Variants in SLC23A2 observed in about 807,000 individuals in gnomAD.
The protein encoded by SLC23A2 is Na(+)/L-ascorbic acid transporter 2.
In SLC23A2, 36 loss-of-function variants were observed where a neutral mutation model predicts 73.3. The ratio of observed to expected loss-of-function variants is 0.49; its 90% CI spans 0.38 to 0.65. The LOEUF (loss-of-function observed/expected upper bound fraction) is 0.65, where lower values mean the gene tolerates loss of function less well. Among genes scored for constraint, SLC23A2 ranks in the 30% least tolerant of loss-of-function variants. The probability of loss-of-function intolerance (pLI) is 0.00; values close to 1 mark genes in which losing one functional copy is unlikely to be tolerated. For missense variants in SLC23A2, 507 were observed against 841.6 expected (o/e 0.60, Z 4.92); for synonymous variants, 343 against 327.3 (o/e 1.05, Z -0.52).
rs1053995649 is a variant in SLC23A2, at chr20:4,863,781, C to T, written c.1357-874G>A. 6.6e-6 allele frequency among the ~76,000 whole-genome samples: 1 copy of T among 152,206 alleles called. No individual in the cohort carries two copies. ...GGACACCCTTCCCTGTGGTTCCCTC[C>T]TAGCCAGATCCTAGATGCATCCTTT... is the stretch of plus-strand genomic sequence containing the variant. On this transcript the variant is annotated intron_variant, in intron 13 of 16. Coordinates refer to ENST00000338244, the MANE Select transcript of SLC23A2 (RefSeq NM_005116.6). The surrounding 1 kb of genome is among the most constrained non-coding windows in gnomAD (Gnocchi z 4.8).
At chr20:4,886,031 T>G in intron 6 of SLC23A2, 122 bp from the exon 7 acceptor site, 1 of 613,830 alleles carries the variant, frequency 1.6e-6, no homozygotes, top group East Asian at 3.0e-5. Context: ...CAGGCACACC[T>G]AGAAGAAAAA....
At chr20:4,876,675 T>A (rs1242864643) in intron 9 of SLC23A2, among the ~76,000 whole-genome samples, 1 of 152,216 alleles carries the variant, frequency 6.6e-6, no homozygotes, top group Non-Finnish European at 1.5e-5. Context: ...AAGTAATACA[T>A]ACTAAATTGT....
Position 4,980,537 on chromosome 20 carries a change from C to CT in SLC23A2, c.-281-9619dup, listed in dbSNP as rs201662707. Among the ~76,000 whole-genome samples, 1,245 of 144,468 alleles carry CT rather than the reference C, an allele frequency of 8.6e-3. 17 individuals carry two copies. Among genetic ancestry groups the CT allele is most frequent in the African/African-American group, 0.026 (1,029 of 39,642 alleles). 94.8% of individuals were successfully genotyped at this position (144,468 alleles called of 152,430 possible). Reference sequence around the variant, plus strand: ...GCACATTTTACTTTCTTTTTCTTTTCTTTTTTTTTTTTGAGACGGGGTCTC... The same window carrying CT: ...GCACATTTTACTTTCTTTTTCTTTTCTTTTTTTTTTTTTGAGACGGGGTCTC... On this transcript the variant is annotated intron_variant, in intron 1 of 16. Coordinates refer to ENST00000338244, the MANE Select transcript of SLC23A2 (RefSeq NM_005116.6).
chr20:4,951,059 C>T (rs1037532770), intron 2 of SLC23A2, among the ~76,000 whole-genome samples: 1 of 152,122 alleles, frequency 6.6e-6, no homozygotes, highest in Non-Finnish European at 1.5e-5. Flanking sequence ...ACATCCAACC[C>T]ATCAGGTCAA....
chr20:4,861,904 G>A (rs1600074525), intron 15 of SLC23A2, 44 bp downstream of exon 15: 1 of 1,605,902 alleles, frequency 6.2e-7, no homozygotes, highest in Non-Finnish European at 8.5e-7. Flanking sequence ...ACTGGCGGCT[G>A]TGGTTCCAGC....
intron 6 of SLC23A2, among the ~76,000 whole-genome samples, chr20:4,886,925 C>T (rs971955315): frequency 6.6e-6 from 1 of 152,156 alleles, no homozygotes; most frequent in African/African-American, 2.4e-5. Flanking sequence ...CACAGTGAAA[C>T]AGGAACTGGA....
At chr20:4,879,894 G>T (rs1157654555) in intron 9 of SLC23A2, among the ~76,000 whole-genome samples, 1 of 152,180 alleles carries the variant, frequency 6.6e-6, no homozygotes, top group East Asian at 1.9e-4. Context: ...AACAAATTAA[G>T]GGTGGACAGG....
intron 2 of SLC23A2, among the ~76,000 whole-genome samples, chr20:4,953,019 A>G (rs2087226834): frequency 6.9e-6 from 1 of 145,054 alleles, no homozygotes; most frequent in Admixed American, 6.9e-5. Context: ...CGAGACTCAA[A>G]AAAAAAGGCC....
chr20:4,915,740 G>A (rs972010381), intron 3 of SLC23A2, among the ~76,000 whole-genome samples: 8 of 152,164 alleles, frequency 5.3e-5, no homozygotes, highest in African/African-American at 1.4e-4. Flanking sequence ...CCGAGATCAC[G>A]AGTTCGAGAC....
intron 6 of SLC23A2, among the ~76,000 whole-genome samples, chr20:4,896,199 C>T (rs1931514967): frequency 6.6e-6 from 1 of 152,186 alleles, no homozygotes; most frequent in Admixed American, 6.5e-5. Context: ...CCAGCGGCCT[C>T]TCTCGTTGCC....
chr20:4,907,587 G>A (rs1461768323), intron 4 of SLC23A2, among the ~76,000 whole-genome samples: 1 of 152,060 alleles, frequency 6.6e-6, no homozygotes, highest in East Asian at 1.9e-4. Context: ...AACAATAAAA[G>A]AGGTCTCAGA....
At chr20:4,954,698 C>CAAAAAAAAAAAA (rs200579910) in intron 2 of SLC23A2, among the ~76,000 whole-genome samples, 5 of 54,940 alleles carry the variant, frequency 9.1e-5, no homozygotes, top group Non-Finnish European at 2.2e-4. Context: ...GACTCCATCA[C>CAAAAAAAAAAAA]AAAAAAAAAA....
rs1930016179 is a variant in SLC23A2 at position 4,862,677 on chromosome 20, A to G, written c.1486+101T>C. 1.8e-6 allele frequency: 2 copies of G among 1,095,978 alleles called. No individual in the cohort carries two copies. Among genetic ancestry groups the G allele is most frequent in the Admixed American group, 2.3e-5 (1 of 43,480 alleles). The allele number at this position is 1,095,978 out of a possible 1,614,324, so 67.9% of individuals were successfully genotyped here. A position where few individuals can be genotyped will look rare whatever the true frequency, so the allele number is the denominator to read the frequency against. ...ATATCCTTTGTATTTTAAAATAGAA[A>G]TTTATCGTTACCTTCTTACTGAAGG... On this transcript the variant is annotated intron_variant, in intron 14 of 16. Coordinates refer to ENST00000338244, the MANE Select transcript of SLC23A2 (RefSeq NM_005116.6). The surrounding 1 kb of genome is among the most constrained non-coding windows in gnomAD (Gnocchi z 5.1).
chr20:4,931,073 A>AC (rs1196850319), intron 3 of SLC23A2, among the ~76,000 whole-genome samples: 1 of 119,968 alleles, frequency 8.3e-6, no homozygotes, highest in African/African-American at 3.3e-5. Context: ...TTTAAGAAAA[A>AC]AAAAAAAAAA....
intron 2 of SLC23A2, among the ~76,000 whole-genome samples, chr20:4,936,213 A>T (rs553457996): frequency 6.6e-6 from 1 of 152,220 alleles, no homozygotes; most frequent in Non-Finnish European, 1.5e-5. Flanking sequence ...GAAAATAAAC[A>T]TACCTAAAAA....
At chr20:4,890,868 G>A (rs1248201475) in intron 6 of SLC23A2, among the ~76,000 whole-genome samples, 1 of 152,166 alleles carries the variant, frequency 6.6e-6, no homozygotes, top group Admixed American at 6.5e-5. Flanking sequence ...GAATTCTGCT[G>A]CATATCTATT....
At position 4,853,121 on chromosome 20, in the gene SLC23A2, C is replaced by T. The variant is rs915019625; in HGVS notation, c.*3851G>A. 6.6e-6 allele frequency: 1 copy of T among 152,316 alleles called. No homozygotes were observed. The highest frequency in any genetic ancestry group is 2.4e-5 in the African/African-American group (1 of 41,468). 9.4% of individuals were successfully genotyped at this position (152,316 alleles called of 1,614,324 possible). A position where few individuals can be genotyped will look rare whatever the true frequency, so the allele number is the denominator to read the frequency against. On this transcript the variant is annotated 3_prime_UTR_variant, in exon 17 of 17. Coordinates refer to ENST00000338244, the MANE Select transcript of SLC23A2 (RefSeq NM_005116.6). ...GCTCTTTTCCAAAGCCAAGAGGAGG[C>T]TCCCTGGAGAAGCGAGCTTTGCGAA...
At chr20:4,871,994 A>G (rs1164531344) in intron 11 of SLC23A2, among the ~76,000 whole-genome samples, 1 of 151,660 alleles carries the variant, frequency 6.6e-6, no homozygotes, top group Non-Finnish European at 1.5e-5. Context: ...CTATATATCT[A>G]TATCTATATT....
At chr20:4,915,060 T>TAA (rs34853888) in intron 3 of SLC23A2, among the ~76,000 whole-genome samples, 3 of 150,980 alleles carry the variant, frequency 2.0e-5, no homozygotes, top group Admixed American at 1.3e-4. Context: ...ATGTACTAAT[T>TAA]AAAAAAAAAC....
Sources: allele counts gnomAD v4.1 joint callset (sites outside exome capture counted in the v4.1 genomes callset), GRCh38; gene constraint gnomAD v4.1.1; non-coding constraint Gnocchi (gnomAD v3.1); transcripts MANE v1.5; gene names NCBI Gene and HGNC (gene_info 2026-07-23, HGNC 2026-07-21).